RBL1: variants seen among roughly 807,000 people sequenced by gnomAD.
The protein encoded by RBL1 is RB transcriptional corepressor like 1.
A neutral mutation model predicts 123.0 loss-of-function variants in RBL1; 82 were observed. That is an observed-to-expected ratio of 0.67 (90% CI 0.56 to 0.80). RBL1 has a LOEUF of 0.80. Among genes scored for constraint, RBL1 ranks in the 30% least tolerant of loss-of-function variants. The pLI is 0.00. For synonymous variants in RBL1, 405 were observed against 441.3 expected, an observed-to-expected ratio of 0.92 and a Z score of 1.03; for missense variants, 1,171 against 1,299.6, an observed-to-expected ratio of 0.90 and a Z score of 1.52.
At chr20:37,054,906 AAAAG>A (rs560139542) in intron 11 of RBL1, among the ~76,000 whole-genome samples, 26 of 152,338 alleles carry the variant, frequency 1.7e-4, no homozygotes, top group Non-Finnish European at 2.9e-4. Context: ...TAAACTATGA[AAAAG>A]AAAGACACAG....
rs180773325 is a variant in RBL1 at position 37,064,161 on chromosome 20, T to C, written c.896+1263A>G. On this transcript the variant is annotated intron_variant, in intron 7 of 21. Coordinates refer to ENST00000373664, the MANE Select transcript of RBL1 (RefSeq NM_002895.5). ...TTTCTTTTTTTTTTTTTTTTTGAGA[T>C]GAGTCTTGCTCTGCTGCCCAGGCTG... Among the ~76,000 whole-genome samples the C allele has an allele frequency of 5.1e-3, 720 of 142,458 alleles. 8 individuals are homozygous for C. The highest frequency in any genetic ancestry group is 0.018 in the African/African-American group (692 of 37,634). The allele number at this position is 142,458 out of a possible 152,430, so 93.5% of individuals were successfully genotyped here. A position where few individuals can be genotyped will look rare whatever the true frequency, so the allele number is the denominator to read the frequency against.
In RBL1 at chr20:36,998,917, T is replaced by C. The variant is rs2063919291; in HGVS notation, c.3049A>G (p.Ile1017Val). ...NGSPSKSLKD[I>V]NNMIRQGEQR... ...TCACCTTGCCTTATCATGTTGTTGA[T>C]ATCTTTCAAACTCTGTGCAGAAATA... Residue 1017 changes from isoleucine to valine, a missense_variant, in exon 22 of 22, where the codon ATC becomes GTC. Physicochemically the swap from Ile to Val is conservative, Grantham distance 29 (BLOSUM62 3). Coordinates refer to ENST00000373664, the MANE Select transcript of RBL1 (RefSeq NM_002895.5). 1 of 1,612,360 alleles carries C rather than the reference T, an allele frequency of 6.2e-7. No individual in the cohort carries two copies. Among genetic ancestry groups the C allele is most frequent in the Non-Finnish European group, 8.5e-7 (1 of 1,179,376 alleles).
chr20:37,060,522 T>C (rs1265173524), intron 9 of RBL1, among the ~76,000 whole-genome samples: 4 of 151,902 alleles, frequency 2.6e-5, no homozygotes, highest in Non-Finnish European at 5.9e-5. Context: ...TGGTCGCTCA[T>C]GCCTGTAATC....
rs149475917 is a variant in RBL1 at position 37,085,778 on chromosome 20, C to T, written c.290+3211G>A. ...ACGCCATACTCCCACCTCAGCCTCTCGAGTAGCTGGGACTACAGGCGCCCA... is the reference window on the plus strand; with the variant it reads ...ACGCCATACTCCCACCTCAGCCTCTTGAGTAGCTGGGACTACAGGCGCCCA... On this transcript the variant is annotated intron_variant, in intron 2 of 21. Coordinates refer to ENST00000373664, the MANE Select transcript of RBL1 (RefSeq NM_002895.5). Among the ~76,000 whole-genome samples, 821 of 150,240 alleles carry T rather than the reference C, an allele frequency of 5.5e-3. 8 individuals are homozygous for T. Among genetic ancestry groups the T allele is most frequent in the African/African-American group, 0.019 (775 of 40,864 alleles).
intron 2 of RBL1, among the ~76,000 whole-genome samples, chr20:37,075,248 T>C (rs891480790): frequency 6.6e-6 from 1 of 152,144 alleles, no homozygotes; most frequent in Non-Finnish European, 1.5e-5. Flanking sequence ...GGGTTTCTTT[T>C]TGGGGTGATG....
rs1336167159 is a variant in RBL1 at position 37,062,163 on chromosome 20, T to A, written c.1004A>T (p.Lys335Met). 6.2e-7 allele frequency: 1 copy of A among 1,614,092 alleles called. No individual in the cohort carries two copies. Among genetic ancestry groups the A allele is most frequent in the Non-Finnish European group, 8.5e-7 (1 of 1,180,040 alleles). The change falls in exon 8 of 22, where the codon AAG becomes ATG. Residue 335 changes from lysine to methionine, a missense_variant. By Grantham distance (95) the Lys-to-Met change is moderately conservative (BLOSUM62 -1). Transcript: ENST00000373664. ...CCCTAATGGGGTGTCACGAGTGAAC[T>A]TTCGAGGTGTTCCAATTTCCTCTTC... The part of the protein sequence containing the change: ...DAEEEIGTPR[K>M]FTRDTPLGKL...
chr20:37,083,648 A>AAAAAAAAAAAC, intron 2 of RBL1, among the ~76,000 whole-genome samples: 1 of 146,168 alleles, frequency 6.8e-6, no homozygotes, highest in Non-Finnish European at 1.5e-5. Context: ...AAAAAAAAAA[A>AAAAAAAAAAAC]AAAAAATACA....
chr20:37,054,892 A>G (rs574946475), intron 11 of RBL1, among the ~76,000 whole-genome samples: 36 of 152,318 alleles, frequency 2.4e-4, no homozygotes, highest in African/African-American at 8.7e-4. Context: ...TCAAGATATT[A>G]GCGTAAACTA....
chr20:37,095,744 G>T, intron 1 of RBL1, 29 bp downstream of exon 1: 1 of 1,555,826 alleles, frequency 6.4e-7, no homozygotes, highest in Non-Finnish European at 8.7e-7. Context: ...CGAGGGTAGG[G>T]TCCGGCCGCC....
intron 19 of RBL1, among the ~76,000 whole-genome samples, chr20:37,012,520 C>T (rs1339925247): frequency 6.6e-6 from 1 of 151,694 alleles, no homozygotes; most frequent in Non-Finnish European, 1.5e-5. Flanking sequence ...CCCGCCGCCC[C>T]GTCTGGGATG....
At chr20:37,074,755 G>A (rs1038393941) in intron 2 of RBL1, among the ~76,000 whole-genome samples, 4 of 151,892 alleles carry the variant, frequency 2.6e-5, no homozygotes, top group Non-Finnish European at 5.9e-5. Flanking sequence ...AACCTGGGAG[G>A]CGCAGGTTGC....
intron 16 of RBL1, among the ~76,000 whole-genome samples, chr20:37,023,944 ATT>A (rs1201528495): frequency 6.2e-5 from 9 of 144,354 alleles, no homozygotes; most frequent in Non-Finnish European, 7.6e-5. Flanking sequence ...CGCCTGGCTA[ATT>A]TTTTTTTTTT....
Position 37,068,089 on chromosome 20 carries a change from CA to C in RBL1, c.387del (p.Phe129LeufsTer6), listed in dbSNP as rs1188925569. The C allele has an allele frequency of 6.2e-7, 1 of 1,613,420 alleles. No homozygotes were observed. On this transcript the variant is annotated frameshift_variant, in exon 3 of 22. Transcript: ENST00000373664. LOFTEE classifies it high-confidence loss of function. ...RERIERLERNFEVSTVIFKKY... is the reference protein window; with the variant it reads ...RERIERLERNXEVSTVIFKKY... Reference sequence around the variant, plus strand: ...TTTTTGAATATTACAGTAGACACCTCAAAATTTCTCTCTAGCCTTTCTATAC... The same window carrying C: ...TTTTTGAATATTACAGTAGACACCTCAAATTTCTCTCTAGCCTTTCTATAC...
chr20:37,062,413 G>T, intron 7 of RBL1, 143 bp from the exon 8 acceptor site: 1 of 1,378,014 alleles, frequency 7.3e-7, no homozygotes, highest in Non-Finnish European at 9.5e-7. Flanking sequence ...CAATATCAGA[G>T]GGTCCTACCT....
chr20:37,000,596 G>A (rs1414525079), intron 21 of RBL1, among the ~76,000 whole-genome samples: 1 of 144,408 alleles, frequency 6.9e-6, no homozygotes, highest in Non-Finnish European at 1.5e-5. Context: ...AAGGATGTGG[G>A]GGGGTCAGCC....
intron 9 of RBL1, among the ~76,000 whole-genome samples, chr20:37,059,870 T>C (rs1358060357): frequency 6.6e-6 from 1 of 150,522 alleles, no homozygotes; most frequent in African/African-American, 2.4e-5. Context: ...AAAAAAAAAC[T>C]GTATAAAATT....
intron 19 of RBL1, among the ~76,000 whole-genome samples, chr20:37,017,620 T>TTTGTGTGTG: frequency 7.2e-6 from 1 of 139,808 alleles, no homozygotes; most frequent in African/African-American, 2.8e-5. Flanking sequence ...GGACATTTTC[T>TTTGTGTGTG]TGTGTGTGTG....
intron 15 of RBL1, 146 bp downstream of exon 15, chr20:37,035,096 C>T: frequency 1.2e-6 from 1 of 805,432 alleles, no homozygotes. Context: ...TACAACTGCT[C>T]TAAAAAATTC....
intron 13 of RBL1, among the ~76,000 whole-genome samples, 165 bp downstream of exon 13, chr20:37,043,921 T>C (rs1165423209): frequency 6.6e-6 from 1 of 152,064 alleles, no homozygotes; most frequent in African/African-American, 2.4e-5. Flanking sequence ...GATGACTATA[T>C]TCTAAAATTG....
Sources: gnomAD v4.1 joint callset for allele counts (sites outside exome capture counted in the v4.1 genomes callset) on GRCh38, gnomAD v4.1.1 for gene constraint, MANE v1.5 for transcripts, NCBI Gene and HGNC (gene_info 2026-07-23, HGNC 2026-07-21) for gene names.